Variants in SH3RF1 observed in about 807,000 individuals in gnomAD.
SH3RF1 encodes the protein E3 ubiquitin-protein ligase SH3RF1.
In SH3RF1, 32 loss-of-function variants were observed where a neutral mutation model predicts 74.0. The observed-to-expected ratio is 0.43, with a 90% CI of 0.33 to 0.58. The LOEUF (loss-of-function observed/expected upper bound fraction) is 0.58. Among genes scored for constraint, SH3RF1 ranks in the 20% least tolerant of loss-of-function variants. The pLI is 0.05. For missense variants in SH3RF1, 954 were observed against 1,130.9 expected (o/e 0.84, Z 2.24); for synonymous variants, 396 against 439.6 (o/e 0.90, Z 1.24).
rs144655670 is a variant in SH3RF1, at chr4:169,117,620, T to C, written c.1680A>G (p.Val560=). Residue 560 remains valine, a synonymous_variant, in exon 9 of 12, where the codon GTA becomes GTG. Transcript: ENST00000284637. ...GSPSVVPAAV[V]SAAHIQTSPQ... is the part of the protein sequence containing the mutation. The stretch of plus-strand genomic sequence containing the variant: ...GACTTGTCTGGATGTGAGCTGCTGA[T>C]ACCACAGCTGCGGGGACAACACTGG... 3.6e-4 allele frequency: 574 copies of C among 1,614,090 alleles called. No homozygotes were observed. Among genetic ancestry groups the C allele is most frequent in the Non-Finnish European group, 4.6e-4 (539 of 1,180,036 alleles).
At chr4:169,240,467 G>T (rs1316615045) in intron 2 of SH3RF1, among the ~76,000 whole-genome samples, 1 of 152,004 alleles carries the variant, frequency 6.6e-6, no homozygotes, top group Non-Finnish European at 1.5e-5. Flanking sequence ...CAAAGCTCTG[G>T]GATTACAGAG....
intron 2 of SH3RF1, among the ~76,000 whole-genome samples, chr4:169,256,254 G>A (rs1731192548): frequency 6.6e-6 from 1 of 151,916 alleles, no homozygotes; most frequent in Non-Finnish European, 1.5e-5. Context: ...AAGGGAGGGA[G>A]GCAGGGAGGG....
intron 4 of SH3RF1, among the ~76,000 whole-genome samples, chr4:169,142,242 G>A (rs992090147): frequency 2.0e-5 from 3 of 152,022 alleles, no homozygotes; most frequent in Non-Finnish European, 4.4e-5. Context: ...AGGCGTGAGC[G>A]ATTGCGCCTG....
chr4:169,105,587 G>C (rs758464453), intron 11 of SH3RF1, among the ~76,000 whole-genome samples: 3 of 152,186 alleles, frequency 2.0e-5, no homozygotes, highest in Admixed American at 2.0e-4. Context: ...TACCCTTCTG[G>C]CTCAGGAAGA....
intron 2 of SH3RF1, among the ~76,000 whole-genome samples, chr4:169,162,217 C>T (rs994728517): frequency 6.6e-6 from 1 of 152,068 alleles, no homozygotes; most frequent in East Asian, 1.9e-4. Flanking sequence ...GTTGGCTTTT[C>T]CCTACAAAGT....
chr4:169,144,135 A>G (rs1249871721), intron 4 of SH3RF1, among the ~76,000 whole-genome samples: 1 of 152,216 alleles, frequency 6.6e-6, no homozygotes, highest in African/African-American at 2.4e-5. Context: ...CCAGGTAGAA[A>G]TGGGCATGGG....
intron 6 of SH3RF1, among the ~76,000 whole-genome samples, chr4:169,129,067 G>C (rs1163286667): frequency 6.6e-6 from 1 of 152,150 alleles, no homozygotes; most frequent in Non-Finnish European, 1.5e-5. Flanking sequence ...AACCCTGACT[G>C]TTTCACCACA....
chr4:169,183,322 C>T (rs768397973), intron 2 of SH3RF1, among the ~76,000 whole-genome samples: 2 of 152,166 alleles, frequency 1.3e-5, no homozygotes, highest in Non-Finnish European at 2.9e-5. Context: ...GCTCTTGTCC[C>T]CAGGCTGGAG....
chr4:169,243,310 C>T (rs1238280539), intron 2 of SH3RF1, among the ~76,000 whole-genome samples: 2 of 152,062 alleles, frequency 1.3e-5, no homozygotes, highest in African/African-American at 4.8e-5. Context: ...GTCAGGAGTT[C>T]GAGACCAGCC....
intron 2 of SH3RF1, among the ~76,000 whole-genome samples, chr4:169,232,351 T>C (rs944669537): frequency 6.6e-5 from 10 of 152,254 alleles, no homozygotes; most frequent in Non-Finnish European, 1.5e-4. Flanking sequence ...GTGAGCTTTG[T>C]GTTTTTCACA....
chr4:169,126,243 C>A (rs1733521841), intron 6 of SH3RF1, among the ~76,000 whole-genome samples: 1 of 152,222 alleles, frequency 6.6e-6, no homozygotes, highest in Non-Finnish European at 1.5e-5. Context: ...AATGAAAATA[C>A]ACTATGTGCT....
chr4:169,122,354 A>G, intron 6 of SH3RF1, 88 bp from the exon 7 acceptor site: 1 of 1,408,540 alleles, frequency 7.1e-7, no homozygotes, highest in Non-Finnish European at 9.6e-7. Context: ...AGAGAAAAAG[A>G]ATTATAAATC....
chr4:169,156,676 T>C lies in SH3RF1; in HGVS notation c.397A>G (p.Ile133Val). ...GCTTTGGCACATGGTAACTGAGGTATACCCTTTAAAAAAAAAAGAGGGATG... is the reference window on the plus strand; with the variant it reads ...GCTTTGGCACATGGTAACTGAGGTACACCCTTTAAAAAAAAAAGAGGGATG... ...VQSWSPPVRG[I>V]PQLPCAKALY... Residue 133 changes from isoleucine to valine, a missense_variant, in exon 3 of 12, where the codon ATA (isoleucine) becomes GTA (valine). Physicochemically the swap from Ile to Val is conservative, Grantham distance 29 (BLOSUM62 3). This residue lies in a region of SH3RF1 where 854 missense variants were observed against 962.5 expected (regional missense o/e 0.89). Transcript: ENST00000284637. 1.3e-6 allele frequency: 2 copies of C among 1,561,140 alleles called. No homozygotes were observed. The highest frequency in any genetic ancestry group is 8.7e-7 in the Non-Finnish European group (1 of 1,154,412).
At chr4:169,144,578 C>A (rs1733840880) in intron 4 of SH3RF1, among the ~76,000 whole-genome samples, 2 of 152,176 alleles carry the variant, frequency 1.3e-5, no homozygotes, top group South Asian at 4.2e-4. Flanking sequence ...TAAGAAACAG[C>A]ATGATGGATT....
chr4:169,178,096 C>A (rs953290254), intron 2 of SH3RF1, among the ~76,000 whole-genome samples: 4 of 151,638 alleles, frequency 2.6e-5, no homozygotes, highest in Non-Finnish European at 5.9e-5. Context: ...CAAAAATTAG[C>A]TGGGCATGGT....
chr4:169,264,413 T>C (rs1019888698), intron 2 of SH3RF1, among the ~76,000 whole-genome samples: 2 of 152,166 alleles, frequency 1.3e-5, no homozygotes, highest in Admixed American at 6.5e-5. Context: ...TATGGCCACA[T>C]TGTGAGGTAC....
Position 169,156,424 on chromosome 4 carries a change from C to A in SH3RF1, c.649G>T (p.Asp217Tyr). ...TTTACCTTTGCAAATGGAAGGCAAT[C>A]TTTGTCTGCTTCCTTGTCTTTCACT... ...FEVKDKEADKDCLPFAKDDVL... is the reference protein window; with the variant it reads ...FEVKDKEADKYCLPFAKDDVL... Residue 217 changes from aspartate to tyrosine, a missense_variant, in exon 3 of 12, where the codon GAT becomes TAT. Transcript: ENST00000284637. 1 of 1,594,322 alleles carries A rather than the reference C, an allele frequency of 6.3e-7. No individual in the cohort carries two copies. Among genetic ancestry groups the A allele is most frequent in the Non-Finnish European group, 8.6e-7 (1 of 1,166,838 alleles).
chr4:169,257,673 G>C (rs1334136569), intron 2 of SH3RF1, among the ~76,000 whole-genome samples: 1 of 152,216 alleles, frequency 6.6e-6, no homozygotes, highest in East Asian at 1.9e-4. Context: ...GTTCTAAAGT[G>C]CAGGACATTT....
intron 2 of SH3RF1, among the ~76,000 whole-genome samples, chr4:169,238,226 T>A (rs530081870): frequency 2.2e-4 from 33 of 152,324 alleles, no homozygotes; most frequent in African/African-American, 7.9e-4. Context: ...ATATCCAAGC[T>A]TGGTCAGAAT....
Sources: allele counts gnomAD v4.1 joint callset (sites outside exome capture counted in the v4.1 genomes callset), GRCh38; gene constraint gnomAD v4.1.1; regional missense constraint gnomAD v4.1.1; transcripts MANE v1.5; gene names NCBI Gene and HGNC (gene_info 2026-07-23, HGNC 2026-07-21).